MPC2: variants seen among roughly 807,000 people sequenced by gnomAD.
MPC2 encodes mitochondrial pyruvate carrier 2.
MPC2 carries 19 observed loss-of-function variants against 19.2 expected under a neutral mutation model. That is an observed-to-expected ratio of 0.99 (90% CI 0.69 to 1.45). The LOEUF (loss-of-function observed/expected upper bound fraction) is 1.45, where lower values mean the gene tolerates loss of function less well. Ranked by LOEUF, MPC2 falls within the 40% of genes most tolerant of loss-of-function variation. The pLI is 0.00. For missense variants in MPC2, 122 were observed against 153.0 expected, an observed-to-expected ratio of 0.80 and a Z score of 1.07; for synonymous variants, 61 against 54.3, an observed-to-expected ratio of 1.12 and a Z score of -0.54.
chr1:167,936,852 C>CA, intron 1 of MPC2, 87 bp downstream of exon 1: 3 of 1,393,892 alleles, frequency 2.2e-6, no homozygotes, highest in Non-Finnish European at 3.0e-6. Flanking sequence ...CGGGTGTCCC[C>CA]TCCCCCTCCT....
intron 3 of MPC2, among the ~76,000 whole-genome samples, chr1:167,922,629 A>C (rs1351081831): frequency 6.6e-6 from 1 of 152,108 alleles, no homozygotes; most frequent in Admixed American, 6.5e-5. Context: ...GATCTCTGTA[A>C]AATACAGCTC....
chr1:167,922,005 G>A (rs558922771), intron 3 of MPC2, among the ~76,000 whole-genome samples: 23 of 152,246 alleles, frequency 1.5e-4, no homozygotes, highest in African/African-American at 5.5e-4. Flanking sequence ...TATGTTTGAA[G>A]GCATATGGTC....
At chr1:167,919,737 C>T (rs531435728) in intron 5 of MPC2, among the ~76,000 whole-genome samples, 1 of 152,148 alleles carries the variant, frequency 6.6e-6, no homozygotes, top group Admixed American at 6.5e-5. Flanking sequence ...TACTGCTTAA[C>T]TGATTTTAGT....
chr1:167,920,252 A>C (rs1200715380), intron 4 of MPC2, among the ~76,000 whole-genome samples, 162 bp from the exon 5 acceptor site: 1 of 152,236 alleles, frequency 6.6e-6, no homozygotes, highest in Non-Finnish European at 1.5e-5. Flanking sequence ...GTGTCACAGA[A>C]AATACTCAAT....
chr1:167,926,124 T>A (rs1464277391), intron 2 of MPC2, among the ~76,000 whole-genome samples: 1 of 152,242 alleles, frequency 6.6e-6, no homozygotes, highest in African/African-American at 2.4e-5. Context: ...TGTTAAACTT[T>A]ATTTTCTCAC....
chr1:167,924,726 T>C (rs1168119602), intron 2 of MPC2, among the ~76,000 whole-genome samples, 189 bp from the exon 3 acceptor site: 1 of 152,176 alleles, frequency 6.6e-6, no homozygotes, highest in Non-Finnish European at 1.5e-5. Flanking sequence ...ACAGTACAGT[T>C]GACCCTTGAA....
In MPC2 at chr1:167,917,880, T is replaced by A. The variant is rs1308704664; in HGVS notation, c.*443A>T. On this transcript the variant is annotated 3_prime_UTR_variant, in exon 6 of 6. Coordinates refer to ENST00000271373, the MANE Select transcript of MPC2 (RefSeq NM_001143674.4). ...CAAGTTAAAATGTTTTTAAATAGTTTGAGGTCATCTTGATAGTCATTCCAC... is the reference window on the plus strand; with the variant it reads ...CAAGTTAAAATGTTTTTAAATAGTTAGAGGTCATCTTGATAGTCATTCCAC... 1 of 153,302 alleles carries A rather than the reference T, an allele frequency of 6.5e-6. No individual in the cohort carries two copies. Among genetic ancestry groups the A allele is most frequent in the Non-Finnish European group, 1.5e-5 (1 of 68,792 alleles). The allele number at this position is 153,302 out of a possible 1,614,324, so 9.5% of individuals were successfully genotyped here.
chr1:167,920,704 C>T, intron 3 of MPC2, 73 bp from the exon 4 acceptor site: 3 of 1,434,854 alleles, frequency 2.1e-6, no homozygotes, highest in South Asian at 1.4e-5. Flanking sequence ...AAATCAAGCA[C>T]AAGACATTTT....
At chr1:167,933,244 T>G (rs1235822981) in intron 2 of MPC2, among the ~76,000 whole-genome samples, 3 of 151,340 alleles carry the variant, frequency 2.0e-5, no homozygotes, top group African/African-American at 7.3e-5. Context: ...CTTGGCTAAC[T>G]GCAACCTCCA....
chr1:167,921,359 T>C (rs1670595978), intron 3 of MPC2, among the ~76,000 whole-genome samples: 1 of 151,998 alleles, frequency 6.6e-6, no homozygotes, highest in African/African-American at 2.4e-5. Context: ...GTAGCTGGAA[T>C]TACAGGCGTG....
chr1:167,920,662 T>C (rs2102528650), intron 3 of MPC2, 31 bp from the exon 4 acceptor site: 8 of 1,592,806 alleles, frequency 5.0e-6, no homozygotes, highest in Non-Finnish European at 6.8e-6. Flanking sequence ...AGAAAAAAAG[T>C]ATCACAAATG....
chr1:167,921,671 AT>A (rs1670606555), intron 3 of MPC2, among the ~76,000 whole-genome samples: 1 of 152,080 alleles, frequency 6.6e-6, no homozygotes, highest in Non-Finnish European at 1.5e-5. Flanking sequence ...TCCCCAATCT[AT>A]TTATGCCAGT....
rs1215049229 is a variant in MPC2 at position 167,926,536 on chromosome 1, T to A, written c.110-1999A>T. ...ATATAATCCTAATTTAACTAAATAT[T>A]AGCCAAGTCAGCGGTTCTCAACCAG... On this transcript the variant is annotated intron_variant, in intron 2 of 5. Coordinates refer to ENST00000271373, the MANE Select transcript of MPC2 (RefSeq NM_001143674.4). Among the ~76,000 whole-genome samples the A allele has an allele frequency of 1.3e-5, 2 of 152,248 alleles. 1 individual carries two copies. The highest frequency in any genetic ancestry group is 2.9e-5 in the Non-Finnish European group (2 of 68,040).
intron 2 of MPC2, among the ~76,000 whole-genome samples, chr1:167,935,261 G>A (rs1478812898): frequency 6.6e-6 from 1 of 152,200 alleles, no homozygotes; most frequent in African/African-American, 2.4e-5. Flanking sequence ...TGCAGTTTGG[G>A]GGAGGGCTCA....
intron 2 of MPC2, among the ~76,000 whole-genome samples, chr1:167,934,641 G>C (rs1380215767): frequency 6.6e-6 from 1 of 152,192 alleles, no homozygotes; most frequent in Non-Finnish European, 1.5e-5. Context: ...AGACTCCAGA[G>C]AGCTGGTTCA....
chr1:167,923,509 C>G (rs563365924), intron 3 of MPC2, among the ~76,000 whole-genome samples: 1 of 152,022 alleles, frequency 6.6e-6, no homozygotes, highest in South Asian at 2.1e-4. Context: ...TTCATAGAGA[C>G]AGAAGGTAGA....
chr1:167,935,953 T>C (rs1671151438), intron 1 of MPC2, 55 bp from the exon 2 acceptor site: 1 of 807,618 alleles, frequency 1.2e-6, no homozygotes, highest in African/African-American at 1.7e-5. Flanking sequence ...CGCGTCCGCC[T>C]CTCGCCTGGA....
At chr1:167,928,533 G>A (rs1374944101) in intron 2 of MPC2, among the ~76,000 whole-genome samples, 1 of 152,044 alleles carries the variant, frequency 6.6e-6, no homozygotes, top group Non-Finnish European at 1.5e-5. Context: ...GATCAACAGT[G>A]GATATGGTAG....
chr1:167,935,342 A>G (rs1671078968), intron 2 of MPC2, among the ~76,000 whole-genome samples: 2 of 152,110 alleles, frequency 1.3e-5, no homozygotes, highest in Admixed American at 6.6e-5. Context: ...GCGACAAACC[A>G]CCCATCCAGC....
Sources: gnomAD v4.1 joint callset for allele counts (sites outside exome capture counted in the v4.1 genomes callset) on GRCh38, gnomAD v4.1.1 for gene constraint, MANE v1.5 for transcripts, NCBI Gene and HGNC (gene_info 2026-07-23, HGNC 2026-07-21) for gene names.